TESMIN: variants seen among roughly 807,000 people sequenced by gnomAD.
TESMIN encodes testis expressed metallothionein like protein, also known as CXC domain containing 2.
TESMIN carries 34 observed loss-of-function variants against 47.4 expected under a neutral mutation model. That is an observed-to-expected ratio of 0.72 (90% CI 0.55 to 0.96). TESMIN has a LOEUF of 0.96. TESMIN is among the 40% of genes least tolerant of loss of function. TESMIN has a pLI of 0.00. For synonymous variants in TESMIN, 278 were observed against 258.9 expected (o/e 1.07, Z -0.71); for missense variants, 610 against 637.2 (o/e 0.96, Z 0.46).
At chr11:68,743,547 C>T (rs1197890335) in intron 4 of TESMIN, among the ~76,000 whole-genome samples, 3 of 152,148 alleles carry the variant, frequency 2.0e-5, no homozygotes, top group East Asian at 3.8e-4. Context: ...CGGCAGCCAG[C>T]ACTACTTTCG....
At chr11:68,750,128 C>G in intron 2 of TESMIN, 62 bp downstream of exon 2, 1 of 1,311,886 alleles carries the variant, frequency 7.6e-7, no homozygotes. Context: ...ACACTAGCAG[C>G]CTCAGATGGG....
chr11:68,724,733 C>T (rs1288664128), intron 6 of TESMIN, among the ~76,000 whole-genome samples: 1 of 152,164 alleles, frequency 6.6e-6, no homozygotes, highest in Non-Finnish European at 1.5e-5. Flanking sequence ...GATGTCAGGG[C>T]AACTAAGACA....
intron 8 of TESMIN, among the ~76,000 whole-genome samples, chr11:68,711,483 G>A (rs146824772): frequency 4.8e-4 from 73 of 152,102 alleles, no homozygotes; most frequent in African/African-American, 1.8e-3. Flanking sequence ...ATCAAGTGCT[G>A]CTGTTGTGGA....
chr11:68,720,046 G>A lies in TESMIN; in HGVS notation c.918-4107C>T, dbSNP rs574764847. Among the ~76,000 whole-genome samples the A allele has an allele frequency of 2.6e-5, 4 of 152,194 alleles. No homozygotes were observed. The South Asian group carries it at 8.3e-4, about 32-fold the overall frequency. On this transcript the variant is annotated intron_variant, in intron 6 of 9. Coordinates refer to ENST00000255087, the MANE Select transcript of TESMIN (RefSeq NM_004923.3). ...AATCTCAAATGCACTAGAGTAGAAA[G>A]ATACATTACCTAGACTTGCATCTGA...
At chr11:68,751,116 G>A (rs1434230999) in intron 1 of TESMIN, among the ~76,000 whole-genome samples, 16 of 94,802 alleles carry the variant, frequency 1.7e-4, no homozygotes, top group African/African-American at 6.7e-4. Flanking sequence ...AGGGGAGGGA[G>A]TCAGGGGAGG....
chr11:68,728,017 G>C (rs2153991482), intron 6 of TESMIN, among the ~76,000 whole-genome samples: 1 of 152,262 alleles, frequency 6.6e-6, no homozygotes, highest in South Asian at 2.1e-4. Flanking sequence ...GCGGTTCCCT[G>C]TCTCTCTCCC....
chr11:68,723,782 T>TTCAA (rs1335697973), intron 6 of TESMIN, among the ~76,000 whole-genome samples: 1 of 152,088 alleles, frequency 6.6e-6, no homozygotes, highest in African/African-American at 2.4e-5. Context: ...GTTTTGAGGA[T>TTCAA]TCAATACTTT....
Position 68,713,317 on chromosome 11 carries a change from T to C in TESMIN, c.1111A>G (p.Asn371Asp), listed in dbSNP as rs1946094985. 6.2e-7 allele frequency: 1 copy of C among 1,614,106 alleles called. No homozygotes were observed. Among genetic ancestry groups the C allele is most frequent in the African/African-American group, 1.3e-5 (1 of 74,946 alleles). ...NVKPQHNKGCNCRRSGCLKNY... is the reference protein window; with the variant it reads ...NVKPQHNKGCDCRRSGCLKNY... Reference sequence around the variant, plus strand: ...TTCAGGCAGCCTGACCTCCTGCAGTTGCACCCTTTGTTGTGCTGGGGCTTG... The same window carrying C: ...TTCAGGCAGCCTGACCTCCTGCAGTCGCACCCTTTGTTGTGCTGGGGCTTG... The change falls in exon 8 of 10, where the codon AAC becomes GAC. Residue 371 changes from asparagine to aspartate, a missense_variant. Asn to Asp is a conservative substitution (Grantham distance 23). Coordinates refer to ENST00000255087, the MANE Select transcript of TESMIN (RefSeq NM_004923.3).
intron 6 of TESMIN, chr11:68,737,573 C>T: frequency 1.0e-6 from 1 of 985,576 alleles, no homozygotes; most frequent in Non-Finnish European, 1.2e-6. Flanking sequence ...AGGTGTTTGA[C>T]TGCTGTCTCT....
chr11:68,722,459 G>C (rs1946213489), intron 6 of TESMIN, among the ~76,000 whole-genome samples: 1 of 151,992 alleles, frequency 6.6e-6, no homozygotes, highest in South Asian at 2.1e-4. Flanking sequence ...ACAAGGCACA[G>C]AGCAGAATGT....
chr11:68,730,323 T>G (rs1429359138), intron 6 of TESMIN, among the ~76,000 whole-genome samples: 1 of 152,240 alleles, frequency 6.6e-6, no homozygotes, highest in Non-Finnish European at 1.5e-5. Flanking sequence ...TGTATGTTGT[T>G]GCCTATACCA....
In TESMIN at chr11:68,745,065, T is replaced by C. The variant is rs757450851; in HGVS notation, c.677A>G (p.Asn226Ser). ...TGCTTTTAGTTCTCTTGTTCTAGAA[T>C]TGTCTATACATAGCATTTGTGTGCC... ...KGGTQMLCID[N>S]SRTRELKALH... Residue 226 changes from asparagine (N) to serine (S), a missense_variant, in exon 4 of 10, where the codon AAT becomes AGT. Transcript: ENST00000255087. The C allele has an allele frequency of 8.8e-6, 14 of 1,593,254 alleles. No individual in the cohort carries two copies. In the South Asian group the frequency reaches 1.4e-4, roughly 16 times the overall value.
intron 6 of TESMIN, chr11:68,736,612 A>C: frequency 1.0e-6 from 1 of 985,290 alleles, no homozygotes. Flanking sequence ...TGGATTAAGT[A>C]ATTATGTGCA....
At chr11:68,716,970 C>A (rs972259668) in intron 6 of TESMIN, among the ~76,000 whole-genome samples, 22 of 152,176 alleles carry the variant, frequency 1.4e-4, no homozygotes, top group Non-Finnish European at 8.8e-5. Flanking sequence ...ATGTGCCAGT[C>A]AGCTTTGCAA....
intron 6 of TESMIN, among the ~76,000 whole-genome samples, chr11:68,731,674 A>G (rs1946329156): frequency 6.6e-6 from 1 of 152,192 alleles, no homozygotes; most frequent in Admixed American, 6.5e-5. Flanking sequence ...GAAGCAAGCA[A>G]CGGAGGATCC....
chr11:68,737,122 A>G (rs1321705607), intron 6 of TESMIN: 1 of 985,342 alleles, frequency 1.0e-6, no homozygotes, highest in East Asian at 1.1e-4. Flanking sequence ...TGTGTAATGT[A>G]TCAGCAGAAT....
At position 68,750,312 on chromosome 11, in the gene TESMIN, GCTGCGGGGC is replaced by G. The variant is rs779180219; in HGVS notation, c.340_348del (p.Ala114_Gln116del). On this transcript the variant is annotated inframe_deletion, in exon 2 of 10. Coordinates refer to ENST00000255087, the MANE Select transcript of TESMIN (RefSeq NM_004923.3). ...AGGAAGTGCACGTTGCAGGCGGGCG[GCTGCGGGGC>G]CTGCAGGAGCGCGACGTCCTCCAGC... 1.3e-6 allele frequency: 2 copies of G among 1,521,886 alleles called. No homozygotes were observed. Among genetic ancestry groups the G allele is most frequent in the Non-Finnish European group, 1.8e-6 (2 of 1,140,422 alleles). The allele number at this position is 1,521,886 out of a possible 1,614,324, so 94.3% of individuals were successfully genotyped here.
intron 6 of TESMIN, among the ~76,000 whole-genome samples, chr11:68,735,635 C>G (rs1946378643): frequency 6.6e-6 from 1 of 152,196 alleles, no homozygotes; most frequent in Admixed American, 6.5e-5. Context: ...AATAATCAAC[C>G]AGCACACTGT....
In TESMIN at chr11:68,708,352, T is replaced by C. The variant is rs895341785; in HGVS notation, c.1483A>G (p.Ile495Val). The C allele has an allele frequency of 6.2e-7, 1 of 1,613,012 alleles. No individual in the cohort carries two copies. The highest frequency in any genetic ancestry group is 8.5e-7 in the Non-Finnish European group (1 of 1,179,602). ...TTAGATTTAAACTCAGTGTGGAGAATCTGTGATAAGCACCTTCCAAATTCC... is the reference window on the plus strand; with the variant it reads ...TTAGATTTAAACTCAGTGTGGAGAACCTGTGATAAGCACCTTCCAAATTCC... ...LEEFGRCLSQ[I>V]LHTEFKSKGL... Residue 495 changes from isoleucine (I) to valine (V), a missense_variant, in exon 10 of 10, where the codon ATT becomes GTT. By Grantham distance (29) the Ile-to-Val change is conservative. Transcript: ENST00000255087.
Sources: gnomAD v4.1 joint callset for allele counts (sites outside exome capture counted in the v4.1 genomes callset) on GRCh38, gnomAD v4.1.1 for gene constraint, MANE v1.5 for transcripts, NCBI Gene and HGNC (gene_info 2026-07-23, HGNC 2026-07-21) for gene names.